SUCO: variants seen among roughly 807,000 people sequenced by gnomAD.
SUCO encodes SUN domain containing ossification factor.
Under a neutral mutation model 148.1 loss-of-function variants are expected in SUCO, and 57 were observed. The observed-to-expected ratio is 0.38, with a 90% confidence interval of 0.31 to 0.48. The LOEUF is 0.48. Ranked by LOEUF, SUCO falls within the 20% of genes least tolerant of loss-of-function variation. SUCO has a pLI of 0.96. For synonymous variants in SUCO, 470 were observed against 502.7 expected (o/e 0.93, Z 0.87); for missense variants, 1,331 against 1,468.2 (o/e 0.91, Z 1.53).
upstream of SUCO, chr1:172,533,026 C>CT (rs912698895): frequency 7.0e-7 from 1 of 1,431,288 alleles, no homozygotes; most frequent in Non-Finnish European, 9.1e-7. Flanking sequence ...TGACGCGTCC[C>CT]TTTCCAGCTC....
intron 1 of SUCO, among the ~76,000 whole-genome samples, chr1:172,541,117 TACA>T (rs1652422664): frequency 6.6e-6 from 1 of 152,144 alleles, no homozygotes; most frequent in South Asian, 2.1e-4. Context: ...AAAATAACAA[TACA>T]ACAATAAAAA....
chr1:172,532,794 G>T, upstream of SUCO: 1 of 1,608,912 alleles, frequency 6.2e-7, no homozygotes, highest in South Asian at 1.1e-5. Flanking sequence ...CGCGAGGGAC[G>T]AAGGGCGGTC....
chr1:172,533,978 C>T (rs776441625), intron 1 of SUCO, among the ~76,000 whole-genome samples: 1 of 152,154 alleles, frequency 6.6e-6, no homozygotes, highest in Non-Finnish European at 1.5e-5. Flanking sequence ...TTCTCCTGGA[C>T]ATTTCTCGCA....
chr1:172,605,987 A>G (rs1571300225), intron 22 of SUCO, among the ~76,000 whole-genome samples: 1 of 151,636 alleles, frequency 6.6e-6, no homozygotes, highest in Middle Eastern at 3.4e-3. Flanking sequence ...ACCTATTGTC[A>G]TAGGTATTCT....
intron 1 of SUCO, among the ~76,000 whole-genome samples, chr1:172,542,162 C>G (rs1347630889): frequency 2.0e-5 from 3 of 151,980 alleles, no homozygotes; most frequent in East Asian, 1.9e-4. Flanking sequence ...GGCGGATCAC[C>G]TGAGGTCAGG....
At chr1:172,580,174 T>G (rs921883783) in intron 15 of SUCO, among the ~76,000 whole-genome samples, 13 of 152,138 alleles carry the variant, frequency 8.5e-5, no homozygotes, top group Non-Finnish European at 2.9e-5. Flanking sequence ...CTTTCTTTCC[T>G]TTCTTTTCTT....
upstream of SUCO, chr1:172,533,104 T>G: frequency 5.6e-6 from 8 of 1,429,326 alleles, no homozygotes; most frequent in South Asian, 3.0e-5. Flanking sequence ...CGGCGGCCGT[T>G]GGTCGCTGGC....
At position 172,610,142 on chromosome 1, in the gene SUCO, A is replaced by T; in HGVS notation, c.3648A>T (p.Ile1216=). The T allele has an allele frequency of 6.2e-7, 1 of 1,613,744 alleles. No individual in the cohort carries two copies. Among genetic ancestry groups the T allele is most frequent in the Non-Finnish European group, 8.5e-7 (1 of 1,179,842 alleles). The stretch of plus-strand genomic sequence containing the variant: ...AAGTCCAAGACCAAGGAAAATTGAT[A>T]AAAACTCTAATACAGACTAAGTCGG... ...RSKVQDQGKL[I]KTLIQTKSGS... Residue 1216 remains isoleucine (I), a synonymous_variant, in exon 24 of 24, where the codon ATA becomes ATT. Coordinates refer to ENST00000263688, the MANE Select transcript of SUCO (RefSeq NM_014283.5).
intron 6 of SUCO, among the ~76,000 whole-genome samples, chr1:172,566,847 T>C (rs1364761496): frequency 1.3e-5 from 2 of 152,224 alleles, no homozygotes; most frequent in Non-Finnish European, 1.5e-5. Flanking sequence ...ACCTGTTTTA[T>C]GTGGGCATGC....
intron 15 of SUCO, among the ~76,000 whole-genome samples, chr1:172,582,072 T>C (rs556355372): frequency 6.6e-6 from 1 of 152,318 alleles, no homozygotes; most frequent in Admixed American, 6.5e-5. Context: ...TTCTTTGTCA[T>C]GTGAATTTGC....
Position 172,557,363 on chromosome 1 carries a change from C to G in SUCO, c.527C>G (p.Ala176Gly). Residue 176 changes from alanine (A) to glycine (G), a missense_variant, in exon 5 of 24, where the codon GCC (alanine) becomes GGC (glycine). By Grantham distance (60) the Ala-to-Gly change is moderately conservative. Around this residue, in one of 3 missense-constraint regions of SUCO, gnomAD observed 992 missense variants for 1,093.5 expected, o/e 0.91. Coordinates refer to ENST00000263688, the MANE Select transcript of SUCO (RefSeq NM_014283.5). ...GAAACTGATTGTGATGTTGGTGAGG[C>G]CCTTGATGCTAGTGCTCCAATTGAA... ...QSETDCDVGE[A>G]LDASAPIEQP... 1 of 1,613,958 alleles carries G rather than the reference C, an allele frequency of 6.2e-7. No individual in the cohort carries two copies.
upstream of SUCO, chr1:172,532,988 T>TG (rs1258579339): frequency 5.0e-6 from 7 of 1,392,396 alleles, no homozygotes; most frequent in Admixed American, 1.7e-4. Context: ...CAGAGGCTGG[T>TG]GGGGGTGCGG....
intron 1 of SUCO, among the ~76,000 whole-genome samples, chr1:172,549,686 T>A (rs1038758583): frequency 6.6e-5 from 10 of 152,040 alleles, no homozygotes; most frequent in Admixed American, 1.3e-4. Context: ...GTTTGGAAAA[T>A]TTTTCCTGAG....
intron 1 of SUCO, among the ~76,000 whole-genome samples, chr1:172,545,691 A>G (rs952123182): frequency 6.6e-6 from 1 of 152,248 alleles, no homozygotes; most frequent in Non-Finnish European, 1.5e-5. Context: ...CATTGAGATT[A>G]CAAGTATAAA....
At chr1:172,599,785 T>C (rs927243275) in intron 19 of SUCO, among the ~76,000 whole-genome samples, 2 of 152,226 alleles carry the variant, frequency 1.3e-5, no homozygotes, top group Admixed American at 6.5e-5. Context: ...TGAAAAGTAA[T>C]TTACCAAATT....
At chr1:172,567,301 T>C (rs1026385887) in intron 6 of SUCO, among the ~76,000 whole-genome samples, 6 of 152,202 alleles carry the variant, frequency 3.9e-5, no homozygotes, top group Non-Finnish European at 7.4e-5. Flanking sequence ...ATCAAAACTT[T>C]GTTTTAGGAA....
At chr1:172,549,006 G>A (rs142398617) in intron 1 of SUCO, among the ~76,000 whole-genome samples, 7 of 151,768 alleles carry the variant, frequency 4.6e-5, no homozygotes, top group Non-Finnish European at 5.9e-5. Context: ...ACATTGTTAG[G>A]TGCATATATA....
intron 15 of SUCO, among the ~76,000 whole-genome samples, chr1:172,580,431 C>G (rs931502259): frequency 3.9e-5 from 6 of 152,060 alleles, no homozygotes; most frequent in African/African-American, 1.4e-4. Flanking sequence ...TCCTAGCTAT[C>G]TAGTTATTGA....
At chr1:172,573,600 A>G (rs1655206967) in intron 9 of SUCO, among the ~76,000 whole-genome samples, 1 of 152,166 alleles carries the variant, frequency 6.6e-6, no homozygotes, top group African/African-American at 2.4e-5. Flanking sequence ...TTCTTAAGAA[A>G]GTCATCCCTT....
Sources: allele counts gnomAD v4.1 joint callset (sites outside exome capture counted in the v4.1 genomes callset), GRCh38; gene constraint gnomAD v4.1.1; regional missense constraint gnomAD v4.1.1; transcripts MANE v1.5; gene names NCBI Gene and HGNC (gene_info 2026-07-23, HGNC 2026-07-21).